MINDY4: variants seen among roughly 807,000 people sequenced by gnomAD.
MINDY4 encodes the protein probable ubiquitin carboxyl-terminal hydrolase MINDY-4.
A neutral mutation model predicts 87.0 loss-of-function variants in MINDY4; 68 were observed. The observed-to-expected ratio is 0.78, with a 90% CI of 0.64 to 0.96. The LOEUF is 0.96. MINDY4 is among the 40% of genes least tolerant of loss of function. MINDY4 has a pLI of 0.00. For synonymous variants in MINDY4, 379 were observed against 363.2 expected (o/e 1.04, Z -0.50); for missense variants, 919 against 928.2 (o/e 0.99, Z 0.13).
intron 13 of MINDY4, 92 bp downstream of exon 13, chr7:30,859,416 T>G: frequency 8.6e-7 from 1 of 1,168,992 alleles, no homozygotes; most frequent in South Asian, 1.3e-5. Flanking sequence ...GCTTGGCACA[T>G]GTTGAGGGCT....
chr7:30,891,527 C>G (rs1446199272), intron 17 of MINDY4, among the ~76,000 whole-genome samples: 2 of 152,246 alleles, frequency 1.3e-5, no homozygotes, highest in Admixed American at 1.3e-4. Context: ...TTCCCGGCCC[C>G]TCCCCACCCT....
intron 12 of MINDY4, chr7:30,858,961 T>C: frequency 6.2e-6 from 4 of 649,680 alleles, no homozygotes; most frequent in Non-Finnish European, 2.9e-6. Flanking sequence ...GCTTGCACCA[T>C]AATGGAGCTG....
chr7:30,881,525 G>A (rs1196997097), intron 15 of MINDY4, among the ~76,000 whole-genome samples: 1 of 152,102 alleles, frequency 6.6e-6, no homozygotes. Context: ...TTACCGTGCA[G>A]TTCTAGTTCA....
At chr7:30,780,835 C>G (rs758255855) in intron 2 of MINDY4, 13 of 152,336 alleles carry the variant, frequency 8.5e-5, no homozygotes, top group Admixed American at 3.9e-4. Flanking sequence ...AGAGAAAAAG[C>G]AAGAAGGCTA....
At chr7:30,796,346 C>T (rs1787489236) in intron 5 of MINDY4, among the ~76,000 whole-genome samples, 1 of 152,094 alleles carries the variant, frequency 6.6e-6, no homozygotes, top group Admixed American at 6.5e-5. Flanking sequence ...GGATGTCTAG[C>T]TTTGGGGCCT....
At chr7:30,861,104 G>T (rs1584328362) in intron 13 of MINDY4, among the ~76,000 whole-genome samples, 1 of 152,208 alleles carries the variant, frequency 6.6e-6, no homozygotes, top group African/African-American at 2.4e-5. Context: ...CCTTCCCTGG[G>T]TCCTGCAGGC....
intron 9 of MINDY4, among the ~76,000 whole-genome samples, chr7:30,849,068 T>C (rs980657241): frequency 1.3e-5 from 2 of 152,202 alleles, no homozygotes; most frequent in South Asian, 2.1e-4. Context: ...TGTCACCTTT[T>C]AAAGTAATTG....
At chr7:30,811,692 A>G (rs1788004593) in intron 5 of MINDY4, among the ~76,000 whole-genome samples, 1 of 152,216 alleles carries the variant, frequency 6.6e-6, no homozygotes, top group African/African-American at 2.4e-5. Flanking sequence ...TTATGTATAG[A>G]TTACAGACAT....
chr7:30,828,860 G>A, intron 6 of MINDY4, 123 bp downstream of exon 6: 2 of 811,088 alleles, frequency 2.5e-6, no homozygotes, highest in Non-Finnish European at 4.1e-6. Context: ...GAGTGGGGCT[G>A]GTCAAGTGAG....
chr7:30,870,001 CAA>C (rs900829636), intron 13 of MINDY4, among the ~76,000 whole-genome samples: 6 of 152,158 alleles, frequency 3.9e-5, no homozygotes, highest in African/African-American at 1.4e-4. Context: ...GTAGATTTGC[CAA>C]AGTTATAAAT....
chr7:30,853,205 G>A (rs1268207164), intron 11 of MINDY4, among the ~76,000 whole-genome samples, 189 bp from the exon 12 acceptor site: 1 of 152,216 alleles, frequency 6.6e-6, no homozygotes, highest in Non-Finnish European at 1.5e-5. Flanking sequence ...CAGCGGTACC[G>A]GCCAGCCTTT....
chr7:30,804,373 A>G (rs1451074035), intron 5 of MINDY4, among the ~76,000 whole-genome samples: 1 of 152,242 alleles, frequency 6.6e-6, no homozygotes, highest in Non-Finnish European at 1.5e-5. Flanking sequence ...CCAATAAAGT[A>G]AACAGTTTTT....
At chr7:30,791,024 A>G in intron 4 of MINDY4, 141 bp from the exon 5 acceptor site, 1 of 877,454 alleles carries the variant, frequency 1.1e-6, no homozygotes, top group Non-Finnish European at 1.8e-6. Context: ...ATAATAGGCA[A>G]GATTTTAAGG....
Position 30,850,540 on chromosome 7 carries a change from G to GA in MINDY4, c.1533dup (p.Ala512SerfsTer36). 4 of 1,605,218 alleles carry GA rather than the reference G, an allele frequency of 2.5e-6. No homozygotes were observed. Among genetic ancestry groups the GA allele is most frequent in the Non-Finnish European group, 3.4e-6 (4 of 1,175,840 alleles). ...GTGTGGCGGGCAGGGGGCCGAGAGA[G>GA]AGCCGTTGTTGCACTGTAAGTGGTT... On this transcript the variant is annotated frameshift_variant, in exon 10 of 18. Transcript: ENST00000265299. LOFTEE classifies it high-confidence loss of function.
chr7:30,809,486 G>C (rs1428640381), intron 5 of MINDY4, among the ~76,000 whole-genome samples: 2 of 149,992 alleles, frequency 1.3e-5, no homozygotes, highest in Non-Finnish European at 3.0e-5. Flanking sequence ...ACAAAGGCCC[G>C]ACCAGACCTA....
chr7:30,889,628 C>G (rs927113325), intron 17 of MINDY4, among the ~76,000 whole-genome samples: 2 of 152,180 alleles, frequency 1.3e-5, no homozygotes, highest in Non-Finnish European at 2.9e-5. Context: ...TGGCTCAACC[C>G]CAAAACCCAA....
In MINDY4 at chr7:30,819,692, A is replaced by G. The variant is rs569177100; in HGVS notation, c.1074-8987A>G. 5.1e-3 allele frequency among the ~76,000 whole-genome samples: 778 copies of G among 152,068 alleles called. 6 individuals are homozygous for G. The highest frequency in any genetic ancestry group is 0.018 in the African/African-American group (739 of 41,492). On this transcript the variant is annotated intron_variant, in intron 5 of 17. Transcript: ENST00000265299. Reference sequence around the variant, plus strand: ...GAGCATAGAGTTTCATGATGGCTACATTTTTCTGTTGAATTTTTCCTTTTA... The same window carrying G: ...GAGCATAGAGTTTCATGATGGCTACGTTTTTCTGTTGAATTTTTCCTTTTA...
chr7:30,873,048 G>C (rs1490021536), intron 14 of MINDY4, among the ~76,000 whole-genome samples: 4 of 152,212 alleles, frequency 2.6e-5, no homozygotes, highest in African/African-American at 9.6e-5. Flanking sequence ...GCCCAACTGA[G>C]GACTCAGTTG....
intron 13 of MINDY4, among the ~76,000 whole-genome samples, chr7:30,865,834 C>T (rs569383077): frequency 3.5e-4 from 53 of 152,304 alleles, no homozygotes; most frequent in African/African-American, 1.2e-3. Flanking sequence ...GGCTCTCAAT[C>T]GAAGACCCTG....
Sources: allele counts gnomAD v4.1 joint callset (sites outside exome capture counted in the v4.1 genomes callset), GRCh38; gene constraint gnomAD v4.1.1; transcripts MANE v1.5; gene names NCBI Gene and HGNC (gene_info 2026-07-23, HGNC 2026-07-21).